Variants in PTCHD1 observed in about 807,000 individuals in gnomAD.
PTCHD1 encodes the protein patched domain-containing protein 1.
Under a neutral mutation model 34.6 loss-of-function variants are expected in PTCHD1, and 3 were observed. The observed-to-expected ratio is 0.09, with a 90% CI of 0.04 to 0.22. PTCHD1 has a LOEUF of 0.22. PTCHD1 is among the 10% of genes least tolerant of loss of function. The pLI, the probability that PTCHD1 is intolerant of heterozygous loss-of-function variation, is 1.00. For synonymous variants in PTCHD1, 305 were observed against 283.1 expected (o/e 1.08, Z -0.77); for missense variants, 504 against 685.5 (o/e 0.74, Z 2.96).
intron 1 of PTCHD1, among the ~76,000 whole-genome samples, chrX:23,342,300 ATATATATATATTTTTT>A (rs1401984138): frequency 9.5e-4 from 14 of 14,759 alleles, no homozygotes; most frequent in African/African-American, 4.0e-3. Context: ...ATATATATAT[ATATATATATATTTTTT>A]TTTTTTTTTT....
chrX:23,348,295 A>G lies in PTCHD1; in HGVS notation c.351+13069A>G, dbSNP rs370072699. On this transcript the variant is annotated intron_variant, in intron 1 of 2. Coordinates refer to ENST00000379361, the MANE Select transcript of PTCHD1 (RefSeq NM_173495.3). ...AAAAAAAAAAAAACCCAAACGGAAC[A>G]TCTAAAAATTGTGAGACAGGGTTAT... Among the ~76,000 whole-genome samples, 485 of 110,681 alleles carry G rather than the reference A, an allele frequency of 4.4e-3. 4 individuals carry two copies. The highest frequency in any genetic ancestry group is 0.015 in the African/African-American group (470 of 30,539).
intron 1 of PTCHD1, among the ~76,000 whole-genome samples, chrX:23,353,473 C>T (rs1005739411): frequency 8.9e-6 from 1 of 112,687 alleles, no homozygotes; most frequent in Non-Finnish European, 1.9e-5. Flanking sequence ...CCTATAATCC[C>T]AGCTACGCGG....
At chrX:23,389,594 G>T (rs1922775493) in intron 2 of PTCHD1, among the ~76,000 whole-genome samples, 1 of 112,006 alleles carries the variant, frequency 8.9e-6, no homozygotes, top group South Asian at 3.7e-4. Flanking sequence ...AGGAATGGTG[G>T]TCGGGGCCTT....
chrX:23,334,821 C>T (rs1921115320), upstream of PTCHD1: 9 of 825,428 alleles, frequency 1.1e-5, no homozygotes, highest in African/African-American at 2.2e-5. Context: ...CGCCGCCGCC[C>T]GAACCCGCGC....
At chrX:23,352,325 G>A (rs1029527481) in intron 1 of PTCHD1, among the ~76,000 whole-genome samples, 1 of 111,995 alleles carries the variant, frequency 8.9e-6, no homozygotes, top group African/African-American at 3.2e-5. Context: ...GGAATGAGAA[G>A]AGGCTAGGTC....
chrX:23,384,796 A>T (rs995282647), intron 2 of PTCHD1, among the ~76,000 whole-genome samples: 3 of 112,051 alleles, frequency 2.7e-5, no homozygotes, highest in Non-Finnish European at 5.6e-5. Flanking sequence ...AATTTAAACC[A>T]TATGAAATTG....
chrX:23,370,163 G>A (rs1429489271), intron 1 of PTCHD1, among the ~76,000 whole-genome samples: 2 of 111,816 alleles, frequency 1.8e-5, no homozygotes, highest in East Asian at 5.6e-4. Context: ...CTAATGAGAT[G>A]GGTACTATTA....
In PTCHD1 at chrX:23,394,484, CA is replaced by C. The variant is rs1392248512; in HGVS notation, c.*301del. 3 of 217,398 alleles carry C rather than the reference CA, an allele frequency of 1.4e-5. No individual in the cohort carries two copies. In the Admixed American group the frequency reaches 2.1e-4, roughly 15 times the overall value. The allele number at this position is 217,398 out of a possible 1,213,427, so 17.9% of individuals were successfully genotyped here. ...GACCTATAGTCTCTTAAACTAAGAT[CA>C]AGTAGAAGAAAGCTTATTAACAAGC... On this transcript the variant is annotated 3_prime_UTR_variant, in exon 3 of 3. Transcript: ENST00000379361.
chrX:23,394,074 T>C lies in PTCHD1; in HGVS notation c.2556T>C (p.Ser852=). ...LPVILTFLPP[S]KKKRKEKKNP... is the part of the protein sequence containing the mutation. ...TGATACTGACTTTCCTGCCACCCTCTAAGAAAAAAAGGAAAGAGAAGAAAA... is the reference window on the plus strand; with the variant it reads ...TGATACTGACTTTCCTGCCACCCTCCAAGAAAAAAAGGAAAGAGAAGAAAA... Residue 852 remains serine, a synonymous_variant, in exon 3 of 3, where the codon TCT becomes TCC. Coordinates refer to ENST00000379361, the MANE Select transcript of PTCHD1 (RefSeq NM_173495.3). The C allele has an allele frequency of 1.7e-6, 2 of 1,208,611 alleles. No individual in the cohort carries two copies. Among genetic ancestry groups the C allele is most frequent in the Non-Finnish European group, 2.2e-6 (2 of 894,189 alleles).
rs918361872 is a variant in PTCHD1, at chrX:23,393,598, T to G, written c.2080T>G (p.Ser694Ala). Residue 694 changes from serine to alanine, a missense_variant, in exon 3 of 3, where the codon TCC becomes GCC. Ser to Ala is a moderately conservative substitution (Grantham distance 99). Coordinates refer to ENST00000379361, the MANE Select transcript of PTCHD1 (RefSeq NM_173495.3). ...CTTTGTATACATGGATCGATATGCC[T>G]CCTCTCTGGGAGCCCCCCTGCACAA... The part of the protein sequence containing the change: ...PSFVYMDRYA[S>A]SLGAPLHNSC... The G allele has an allele frequency of 1.7e-6, 2 of 1,211,124 alleles. No individual in the cohort carries two copies. The highest frequency in any genetic ancestry group is 2.2e-6 in the Non-Finnish European group (2 of 895,027).
At chrX:23,362,074 C>T (rs949225308) in intron 1 of PTCHD1, among the ~76,000 whole-genome samples, 9 of 112,010 alleles carry the variant, frequency 8.0e-5, no homozygotes, top group African/African-American at 2.9e-4. Context: ...TCTCTGGCTG[C>T]CCTTAACATT....
intron 2 of PTCHD1, among the ~76,000 whole-genome samples, chrX:23,387,284 A>C (rs1401753926): frequency 2.7e-5 from 3 of 111,740 alleles, no homozygotes; most frequent in African/African-American, 9.8e-5. Flanking sequence ...CCGGATTATA[A>C]ACAACCCTGA....
rs141048107 is a variant in PTCHD1 at position 23,399,610 on chromosome X, A to T, written c.*5425A>T. 8.9e-6 allele frequency: 1 copy of T among 112,339 alleles called. No homozygotes were observed. The highest frequency in any genetic ancestry group is 2.8e-4 in the East Asian group (1 of 3,574). The allele number at this position is 112,339 out of a possible 1,213,427, so 9.3% of individuals were successfully genotyped here. On this transcript the variant is annotated 3_prime_UTR_variant, in exon 3 of 3. Coordinates refer to ENST00000379361, the MANE Select transcript of PTCHD1 (RefSeq NM_173495.3). ...CTCTAAGGATCCAAAAATGCTTCAA[A>T]ATATTGGTTTCTTCATCCCAAGCCA...
rs936354523 is a variant in PTCHD1 at position 23,368,790 on chromosome X, C to T, written c.352-10801C>T. 2.7e-5 allele frequency among the ~76,000 whole-genome samples: 3 copies of T among 111,663 alleles called. 1 individual carries two copies. Among genetic ancestry groups the T allele is most frequent in the Admixed American group, 1.9e-4 (2 of 10,547 alleles). ...TATAAGAAACATACATGGCCGGGTG[C>T]GGTGGCTCACGCCTGTAATCCCAGC... On this transcript the variant is annotated intron_variant, in intron 1 of 2. Coordinates refer to ENST00000379361, the MANE Select transcript of PTCHD1 (RefSeq NM_173495.3).
At position 23,398,874 on chromosome X, in the gene PTCHD1, A is replaced by C. The variant is rs1923056505; in HGVS notation, c.*4689A>C. The C allele has an allele frequency of 9.0e-6, 1 of 111,400 alleles. No homozygotes were observed. The highest frequency in any genetic ancestry group is 1.9e-5 in the Non-Finnish European group (1 of 53,150). 9.2% of individuals were successfully genotyped at this position (111,400 alleles called of 1,213,427 possible). On this transcript the variant is annotated 3_prime_UTR_variant, in exon 3 of 3. Coordinates refer to ENST00000379361, the MANE Select transcript of PTCHD1 (RefSeq NM_173495.3). ...GCTGCTGCCCAGCTGATTTGTTTGAAGTCCTCTTTGATATCTATGAGAGCA... is the reference window on the plus strand; with the variant it reads ...GCTGCTGCCCAGCTGATTTGTTTGACGTCCTCTTTGATATCTATGAGAGCA...
rs765690048 is a variant in PTCHD1, at chrX:23,394,302, C to CAA, written c.*138_*139dup. 2.0e-3 allele frequency: 103 copies of CAA among 52,364 alleles called. 2 individuals carry two copies. Among genetic ancestry groups the CAA allele is most frequent in the East Asian group, 2.4e-3 (7 of 2,898 alleles). The allele number at this position is 52,364 out of a possible 1,213,427, so 4.3% of individuals were successfully genotyped here. Reference sequence around the variant, plus strand: ...TTTAAAGATAGGAAACAGGCATTGCCAAAAAAAAAAAAAAAAAAAAAAGGA... The same window carrying CAA: ...TTTAAAGATAGGAAACAGGCATTGCCAAAAAAAAAAAAAAAAAAAAAAAAGGA... On this transcript the variant is annotated 3_prime_UTR_variant, in exon 3 of 3. Coordinates refer to ENST00000379361, the MANE Select transcript of PTCHD1 (RefSeq NM_173495.3).
At chrX:23,336,617 G>T (rs1326037893) in intron 1 of PTCHD1, among the ~76,000 whole-genome samples, 1 of 112,004 alleles carries the variant, frequency 8.9e-6, no homozygotes, top group African/African-American at 3.3e-5. Context: ...ATGGAATTAG[G>T]ATCTTCCCAC....
chrX:23,341,620 G>A lies in PTCHD1; in HGVS notation c.351+6394G>A, dbSNP rs192972837. Among the ~76,000 whole-genome samples the A allele has an allele frequency of 2.5e-3, 286 of 112,298 alleles. 1 individual carries two copies. Among genetic ancestry groups the A allele is most frequent in the Middle Eastern group, 4.6e-3 (1 of 218 alleles). On this transcript the variant is annotated intron_variant, in intron 1 of 2. Coordinates refer to ENST00000379361, the MANE Select transcript of PTCHD1 (RefSeq NM_173495.3). ...CTGCCTGTGTCTCCGCCACATACCCGGAAGGCCACAGAACTACCGAGGAAT... is the reference window on the plus strand; with the variant it reads ...CTGCCTGTGTCTCCGCCACATACCCAGAAGGCCACAGAACTACCGAGGAAT...
chrX:23,388,735 G>C (rs771944983), intron 2 of PTCHD1, among the ~76,000 whole-genome samples: 1 of 112,024 alleles, frequency 8.9e-6, no homozygotes, highest in South Asian at 3.8e-4. Context: ...GGAGGCTGAG[G>C]CAGGGGAATC....
Sources: gnomAD v4.1 joint callset for allele counts (sites outside exome capture counted in the v4.1 genomes callset) on GRCh38, gnomAD v4.1.1 for gene constraint, MANE v1.5 for transcripts, NCBI Gene and HGNC (gene_info 2026-07-23, HGNC 2026-07-21) for gene names.